SCAI: variants seen among roughly 807,000 people sequenced by gnomAD.
The protein encoded by SCAI is protein SCAI.
Under a neutral mutation model 92.2 loss-of-function variants are expected in SCAI, and 24 were observed. That is an observed-to-expected ratio of 0.26 (90% CI 0.19 to 0.37). The LOEUF is 0.37. Ranked by LOEUF, SCAI falls within the 10% of genes least tolerant of loss-of-function variation. The pLI is 1.00. For missense variants in SCAI, 450 were observed against 736.2 expected, an observed-to-expected ratio of 0.61 and a Z score of 4.50; for synonymous variants, 261 against 258.6, an observed-to-expected ratio of 1.01 and a Z score of -0.09.
chr9:125,034,813 G>A (rs981959055), intron 3 of SCAI, among the ~76,000 whole-genome samples: 1 of 152,046 alleles, frequency 6.6e-6, no homozygotes, highest in Non-Finnish European at 1.5e-5. Flanking sequence ...TGAACTTAAG[G>A]ATGAATTCAT....
At chr9:124,972,871 T>C (rs897632542) in intron 15 of SCAI, among the ~76,000 whole-genome samples, 5 of 152,196 alleles carry the variant, frequency 3.3e-5, no homozygotes, top group Non-Finnish European at 7.3e-5. Flanking sequence ...TCTCCAGCCA[T>C]CTCCCTATTT....
intron 3 of SCAI, among the ~76,000 whole-genome samples, chr9:125,046,659 T>C (rs1028202373): frequency 2.7e-5 from 4 of 149,520 alleles, no homozygotes; most frequent in African/African-American, 9.8e-5. Context: ...AAAGAACTTA[T>C]TCATGTAACC....
rs1833935277 is a variant in SCAI at position 125,069,480 on chromosome 9, G to T, written c.99-13473C>A. Among the ~76,000 whole-genome samples, 4 of 150,902 alleles carry T rather than the reference G, an allele frequency of 2.7e-5. No individual in the cohort carries two copies. In the South Asian group the frequency reaches 8.4e-4, roughly 32 times the overall value. On this transcript the variant is annotated intron_variant, in intron 2 of 17. Coordinates refer to ENST00000336505, the MANE Select transcript of SCAI (RefSeq NM_001144877.3). ...CTACAGGCGCCCACCACCACGCCCG[G>T]CTAATATTTTTGTATTTTTAGTAGA...
chr9:125,027,478 A>AC, intron 5 of SCAI, among the ~76,000 whole-genome samples: 1 of 152,252 alleles, frequency 6.6e-6, no homozygotes, highest in African/African-American at 2.4e-5. Flanking sequence ...AAATGTAGGA[A>AC]ATGGAAGAAG....
At chr9:124,953,031 G>C (rs1266326650) in intron 17 of SCAI, 78 bp from the exon 18 acceptor site, 14 of 1,149,552 alleles carry the variant, frequency 1.2e-5, no homozygotes, top group Non-Finnish European at 1.8e-5. Flanking sequence ...CAGTGTCAAG[G>C]AGTAATATGT....
chr9:125,077,918 C>T (rs1834126724), intron 2 of SCAI, among the ~76,000 whole-genome samples: 1 of 151,964 alleles, frequency 6.6e-6, no homozygotes, highest in African/African-American at 2.4e-5. Flanking sequence ...AGTGTTTCAC[C>T]ATGTTGGCCA....
At chr9:124,985,381 T>C (rs1419072359) in intron 14 of SCAI, among the ~76,000 whole-genome samples, 2 of 152,194 alleles carry the variant, frequency 1.3e-5, no homozygotes, top group Non-Finnish European at 2.9e-5. Context: ...AAACTGGTAG[T>C]GCCTCTGGGT....
intron 2 of SCAI, among the ~76,000 whole-genome samples, chr9:125,112,429 T>C (rs1834950902): frequency 6.6e-6 from 1 of 152,090 alleles, no homozygotes; most frequent in Non-Finnish European, 1.5e-5. Context: ...ATTAACATAG[T>C]TATTATAACT....
rs760628700 is a variant in SCAI at position 124,995,032 on chromosome 9, G to A, written c.1245-17C>T. On this transcript the variant is annotated splice_polypyrimidine_tract_variant and intron_variant, in intron 13 of 17. Coordinates refer to ENST00000336505, the MANE Select transcript of SCAI (RefSeq NM_001144877.3). The stretch of plus-strand genomic sequence containing the variant: ...GGATGAAGGCTGGGAAAACAACAAC[G>A]AAGAACTGTTAAACTGTGTCAGCCA... 23 of 1,569,954 alleles carry A rather than the reference G, an allele frequency of 1.5e-5. No individual in the cohort carries two copies. In the Middle Eastern group the frequency reaches 5.0e-4, roughly 34 times the overall value.
Position 125,142,683 on chromosome 9 carries a change from G to T in SCAI, c.54-6C>A. 6.2e-7 allele frequency: 1 copy of T among 1,613,070 alleles called. No individual in the cohort carries two copies. The highest frequency in any genetic ancestry group is 8.5e-7 in the Non-Finnish European group (1 of 1,179,066). ...TCTCCACTGTGCCAGTCAGTCTGCAGACCAAACAAATAAGACGGTAACTAA... is the reference window on the plus strand; with the variant it reads ...TCTCCACTGTGCCAGTCAGTCTGCATACCAAACAAATAAGACGGTAACTAA... On this transcript the variant is annotated splice_region_variant and splice_polypyrimidine_tract_variant and intron_variant, in intron 1 of 17. Transcript: ENST00000336505.
chr9:125,089,043 G>A (rs1221605907), intron 2 of SCAI, among the ~76,000 whole-genome samples: 1 of 152,130 alleles, frequency 6.6e-6, no homozygotes, highest in Non-Finnish European at 1.5e-5. Context: ...AAGAAGCCCA[G>A]TGCTGATATA....
chr9:125,067,342 G>A (rs528646154), intron 2 of SCAI, among the ~76,000 whole-genome samples: 1 of 152,294 alleles, frequency 6.6e-6, no homozygotes, highest in South Asian at 2.1e-4. Context: ...TCATGCTGGA[G>A]TAGAGTGGGC....
intron 2 of SCAI, among the ~76,000 whole-genome samples, chr9:125,102,351 C>T (rs1198676187): frequency 1.3e-5 from 2 of 152,128 alleles, no homozygotes; most frequent in Non-Finnish European, 2.9e-5. Context: ...CTACTTAAAT[C>T]GGTAAGAGGC....
At chr9:125,049,506 C>A (rs950587381) in intron 3 of SCAI, among the ~76,000 whole-genome samples, 43 of 152,176 alleles carry the variant, frequency 2.8e-4, no homozygotes, top group African/African-American at 1.0e-3. Flanking sequence ...ATTATTATTG[C>A]AACTACATGC....
In SCAI at chr9:124,978,324, C is replaced by T. The variant is rs113360993; in HGVS notation, c.1327-2138G>A. The stretch of plus-strand genomic sequence containing the variant: ...GGCGTGGTAGCGCATGCCTGTAATT[C>T]CAGCTACTCAGGAAGCTGAGGCAGG... On this transcript the variant is annotated intron_variant, in intron 14 of 17. Transcript: ENST00000336505. Among the ~76,000 whole-genome samples the T allele has an allele frequency of 9.8e-3, 1,497 of 152,300 alleles. 21 individuals are homozygous for T. Among genetic ancestry groups the T allele is most frequent in the African/African-American group, 0.034 (1,427 of 41,540 alleles).
chr9:125,130,343 G>C (rs1377958919), intron 2 of SCAI, among the ~76,000 whole-genome samples: 1 of 152,070 alleles, frequency 6.6e-6, no homozygotes, highest in Non-Finnish European at 1.5e-5. Flanking sequence ...GTTGCCAATT[G>C]GTCGGGGGGA....
At chr9:125,042,861 T>C (rs1833354117) in intron 3 of SCAI, among the ~76,000 whole-genome samples, 2 of 77,680 alleles carry the variant, frequency 2.6e-5, no homozygotes, top group Non-Finnish European at 5.5e-5. Flanking sequence ...TCCCTGGCTT[T>C]TTTTTTTTTT....
intron 9 of SCAI, among the ~76,000 whole-genome samples, chr9:125,009,163 T>C (rs775621589): frequency 1.3e-5 from 2 of 151,904 alleles, no homozygotes; most frequent in African/African-American, 4.8e-5. Flanking sequence ...AAATATAAAA[T>C]ATAAAATATT....
At chr9:124,989,289 G>A (rs1184175583) in intron 14 of SCAI, among the ~76,000 whole-genome samples, 1 of 152,204 alleles carries the variant, frequency 6.6e-6, no homozygotes, top group Non-Finnish European at 1.5e-5. Flanking sequence ...TGCTTCTTAA[G>A]AAATATTGGG....
Sources: gnomAD v4.1 joint callset for allele counts (sites outside exome capture counted in the v4.1 genomes callset) on GRCh38, gnomAD v4.1.1 for gene constraint, MANE v1.5 for transcripts, NCBI Gene and HGNC (gene_info 2026-07-23, HGNC 2026-07-21) for gene names.